Variants in ZHX3 observed in about 807,000 individuals in gnomAD.
ZHX3 encodes the protein zinc fingers and homeoboxes protein 3.
A neutral mutation model predicts 64.5 loss-of-function variants in ZHX3; 20 were observed. That is an observed-to-expected ratio of 0.31 (90% CI 0.22 to 0.45). The LOEUF is 0.45. Among genes scored for constraint, ZHX3 ranks in the 20% least tolerant of loss-of-function variants. The pLI is 1.00. For synonymous variants in ZHX3, 423 were observed against 461.6 expected, an observed-to-expected ratio of 0.92 and a Z score of 1.07; for missense variants, 1,041 against 1,195.8, an observed-to-expected ratio of 0.87 and a Z score of 1.91.
rs1464856328 is a variant in ZHX3 at position 41,180,251 on chromosome 20, G to C, written c.*4940C>G. ...CGAAAGCCAAATTCTCAGGGCTGTG[G>C]AAGCTTTGGACCAGCAACAACAAGC... On this transcript the variant is annotated 3_prime_UTR_variant, in exon 4 of 4. Coordinates refer to ENST00000683867, the MANE Select transcript of ZHX3 (RefSeq NM_001384317.1). The C allele has an allele frequency of 6.5e-6, 1 of 152,732 alleles. No individual in the cohort carries two copies. The highest frequency in any genetic ancestry group is 1.5e-5 in the Non-Finnish European group (1 of 68,078). 9.5% of individuals were successfully genotyped at this position (152,732 alleles called of 1,614,324 possible). A position where few individuals can be genotyped will look rare whatever the true frequency, so the allele number is the denominator to read the frequency against.
chr20:41,207,377 T>A (rs1422809227), intron 2 of ZHX3, among the ~76,000 whole-genome samples: 2 of 152,104 alleles, frequency 1.3e-5, no homozygotes, highest in Admixed American at 1.3e-4. Flanking sequence ...CCACCCCAAA[T>A]GAACAGAATA....
In ZHX3 at chr20:41,202,458, T is replaced by G; in HGVS notation, c.2459A>C (p.Lys820Thr). 6.2e-7 allele frequency: 1 copy of G among 1,614,206 alleles called. No homozygotes were observed. The highest frequency in any genetic ancestry group is 8.5e-7 in the Non-Finnish European group (1 of 1,180,034). The stretch of plus-strand genomic sequence containing the variant: ...TTCGTACCATTTGAGTTGGCCGTTC[T>G]TCAGTGCGTACCTGCTATCTCCAAA... ...RWFGDSRYALKNGQLKWYEDY... is the reference protein window; with the variant it reads ...RWFGDSRYALTNGQLKWYEDY... The change falls in exon 3 of 4, where the codon AAG (lysine) becomes ACG (threonine). Residue 820 changes from lysine (K) to threonine (T), a missense_variant. Transcript: ENST00000683867. This position sits in a 1 kb window ranked among gnomAD's most constrained non-coding sequence, Gnocchi z 7.0.
intron 2 of ZHX3, among the ~76,000 whole-genome samples, chr20:41,211,094 A>G (rs560157110): frequency 7.2e-5 from 11 of 152,304 alleles, no homozygotes; most frequent in African/African-American, 2.6e-4. Context: ...TTTTATATAT[A>G]AAAGACCGAA....
intron 2 of ZHX3, among the ~76,000 whole-genome samples, chr20:41,220,260 G>A (rs561613756): frequency 1.3e-5 from 2 of 152,262 alleles, no homozygotes; most frequent in East Asian, 3.9e-4. Context: ...GAGCTCGAAG[G>A]ATGAATAAAT....
intron 2 of ZHX3, among the ~76,000 whole-genome samples, chr20:41,239,866 G>A (rs1263063667): frequency 6.6e-6 from 1 of 152,162 alleles, no homozygotes; most frequent in African/African-American, 2.4e-5. Flanking sequence ...AAAGACAAAT[G>A]TTTATTCTTA....
At chr20:41,265,686 A>G (rs2042809243) in intron 2 of ZHX3, among the ~76,000 whole-genome samples, 1 of 152,160 alleles carries the variant, frequency 6.6e-6, no homozygotes, top group African/African-American at 2.4e-5. Context: ...AGAATTTTAT[A>G]AAGCTTCTGA....
At chr20:41,230,907 C>T (rs1313311657) in intron 2 of ZHX3, among the ~76,000 whole-genome samples, 1 of 152,200 alleles carries the variant, frequency 6.6e-6, no homozygotes, top group Non-Finnish European at 1.5e-5. Context: ...TTAGAGTTCA[C>T]TCTTGGTGTA....
In ZHX3 at chr20:41,184,797, T is replaced by C. The variant is rs1434580928; in HGVS notation, c.*394A>G. ...ATGACGTAACTGACAATGCACTGCTTGGCTAACCAAAGTTTCTACGTAATG... is the reference window on the plus strand; with the variant it reads ...ATGACGTAACTGACAATGCACTGCTCGGCTAACCAAAGTTTCTACGTAATG... On this transcript the variant is annotated 3_prime_UTR_variant, in exon 4 of 4. Transcript: ENST00000683867. 4 of 1,248,178 alleles carry C rather than the reference T, an allele frequency of 3.2e-6. No individual in the cohort carries two copies. Among genetic ancestry groups the C allele is most frequent in the Non-Finnish European group, 4.3e-6 (4 of 923,770 alleles). 77.3% of individuals were successfully genotyped at this position (1,248,178 alleles called of 1,614,324 possible).
chr20:41,228,452 T>C lies in ZHX3; in HGVS notation c.-150-23386A>G, dbSNP rs1180562598. 6.6e-6 allele frequency among the ~76,000 whole-genome samples: 1 copy of C among 152,200 alleles called. No individual in the cohort carries two copies. The highest frequency in any genetic ancestry group is 1.5e-5 in the Non-Finnish European group (1 of 68,026). ...AAAACATCATAGACTGGATGGCTTA[T>C]AAACAACAGAAATGTATTTCTCACA... On this transcript the variant is annotated intron_variant, in intron 2 of 3. Transcript: ENST00000683867. The surrounding 1 kb of genome is among the most constrained non-coding windows in gnomAD (Gnocchi z 4.6).
chr20:41,230,956 CTACAATAT>C (rs2040566708), intron 2 of ZHX3, among the ~76,000 whole-genome samples: 1 of 152,174 alleles, frequency 6.6e-6, no homozygotes, highest in Non-Finnish European at 1.5e-5. Flanking sequence ...TGATATGTAT[CTACAATAT>C]TATAATATCA....
intron 2 of ZHX3, among the ~76,000 whole-genome samples, chr20:41,263,543 T>C (rs989304879): frequency 4.2e-4 from 63 of 151,778 alleles, no homozygotes; most frequent in African/African-American, 1.4e-3. Flanking sequence ...TACACGTGTA[T>C]GCCACCATGC....
At chr20:41,199,025 G>T (rs2038001784) in intron 3 of ZHX3, among the ~76,000 whole-genome samples, 1 of 151,724 alleles carries the variant, frequency 6.6e-6, no homozygotes, top group Non-Finnish European at 1.5e-5. Context: ...CCTCTAGTGG[G>T]TTTTCCATTT....
intron 3 of ZHX3, among the ~76,000 whole-genome samples, chr20:41,189,612 A>G (rs1296438087): frequency 1.3e-5 from 2 of 152,082 alleles, no homozygotes; most frequent in Non-Finnish European, 2.9e-5. Flanking sequence ...AAATCAGATT[A>G]CCTTCTTGAT....
chr20:41,314,925 GA>G (rs886459707), intron 1 of ZHX3, among the ~76,000 whole-genome samples: 9 of 151,744 alleles, frequency 5.9e-5, no homozygotes, highest in Non-Finnish European at 7.4e-5. Flanking sequence ...ATATATCGGT[GA>G]AAAAAAAGTC....
chr20:41,282,486 G>A (rs1243711486), intron 1 of ZHX3, among the ~76,000 whole-genome samples: 2 of 149,450 alleles, frequency 1.3e-5, no homozygotes, highest in Non-Finnish European at 3.0e-5. Flanking sequence ...AGCCTCCTGA[G>A]TAGTTGGGAT....
At chr20:41,248,321 G>T (rs566100758) in intron 2 of ZHX3, among the ~76,000 whole-genome samples, 4 of 147,862 alleles carry the variant, frequency 2.7e-5, no homozygotes, top group African/African-American at 4.9e-5. Flanking sequence ...AGTTTCTCCG[G>T]TTTTTTTTTT....
At chr20:41,286,865 G>A (rs1010765158) in intron 1 of ZHX3, among the ~76,000 whole-genome samples, 1 of 152,170 alleles carries the variant, frequency 6.6e-6, no homozygotes, top group Non-Finnish European at 1.5e-5. Flanking sequence ...TAGTGAGGGA[G>A]TTCTCTCACG....
chr20:41,262,509 A>G (rs909357220), intron 2 of ZHX3, among the ~76,000 whole-genome samples: 1 of 152,180 alleles, frequency 6.6e-6, no homozygotes, highest in Admixed American at 6.5e-5. Flanking sequence ...TTTAGCTCCC[A>G]GGGTGCCTGC....
intron 2 of ZHX3, among the ~76,000 whole-genome samples, chr20:41,236,914 T>G (rs1250791427): frequency 6.6e-6 from 1 of 151,734 alleles, no homozygotes; most frequent in Non-Finnish European, 1.5e-5. Flanking sequence ...TCAAACAAAT[T>G]TACAAGAAAA....
Sources: allele counts gnomAD v4.1 joint callset (sites outside exome capture counted in the v4.1 genomes callset), GRCh38; gene constraint gnomAD v4.1.1; non-coding constraint Gnocchi (gnomAD v3.1); transcripts MANE v1.5; gene names NCBI Gene and HGNC (gene_info 2026-07-23, HGNC 2026-07-21).